DGKB: variants seen among roughly 807,000 people sequenced by gnomAD.
DGKB encodes diacylglycerol kinase beta.
DGKB carries 67 observed loss-of-function variants against 114.3 expected under a neutral mutation model. The ratio of observed to expected loss-of-function variants is 0.59; its 90% CI spans 0.48 to 0.72. DGKB has a LOEUF of 0.72. Among genes scored for constraint, DGKB ranks in the 30% least tolerant of loss-of-function variants. The pLI is 0.00. For missense variants in DGKB, 907 were observed against 975.2 expected (o/e 0.93, Z 0.93); for synonymous variants, 398 against 323.1 (o/e 1.23, Z -2.49).
At chr7:14,646,924 G>C (rs1231054733) in intron 13 of DGKB, among the ~76,000 whole-genome samples, 1 of 151,060 alleles carries the variant, frequency 6.6e-6, no homozygotes, top group East Asian at 1.9e-4. Context: ...AACTAGAAAA[G>C]CAAGAACAAA....
intron 14 of DGKB, among the ~76,000 whole-genome samples, chr7:14,622,849 A>C (rs1196457976): frequency 6.6e-6 from 1 of 152,152 alleles, no homozygotes; most frequent in East Asian, 1.9e-4. Flanking sequence ...ATCATTCTGC[A>C]GTCTGCTGGA....
At chr7:14,153,343 A>G (rs1264722161) in intron 25 of DGKB, among the ~76,000 whole-genome samples, 3 of 152,110 alleles carry the variant, frequency 2.0e-5, no homozygotes, top group African/African-American at 7.2e-5. Context: ...TTTAGAACAG[A>G]GGTGGATCTA....
chr7:14,580,874 G>A lies in DGKB; in HGVS notation c.1597C>T (p.Arg533Ter). 6 of 1,599,390 alleles carry A rather than the reference G, an allele frequency of 3.8e-6. No individual in the cohort carries two copies. Among genetic ancestry groups the A allele is most frequent in the South Asian group, 1.1e-5 (1 of 89,000 alleles). The change falls in exon 19 of 26, where the codon CGA becomes TGA. Residue 533 changes from arginine (R) to a stop codon, truncating the protein, a stop_gained. Coordinates refer to ENST00000402815, the MANE Select transcript of DGKB (RefSeq NM_001350709.2). LOFTEE classifies it high-confidence loss of function. ...GCAGCTGCTTTACCTCCTCCCCATC[G>A]CAGGCATCTTGCTAGATCATTGCCA... is the stretch of plus-strand genomic sequence containing the variant. Reference protein sequence around the residue: ...GTGNDLARCLRWGGGYEGENL... With the variant: ...GTGNDLARCL
At chr7:14,175,503 A>T (rs1036873231) in intron 25 of DGKB, among the ~76,000 whole-genome samples, 5 of 152,120 alleles carry the variant, frequency 3.3e-5, no homozygotes, top group African/African-American at 4.8e-5. Flanking sequence ...GCTTACATTC[A>T]TCCACTTTGA....
intron 21 of DGKB, among the ~76,000 whole-genome samples, chr7:14,438,887 T>G (rs924383281): frequency 1.4e-4 from 22 of 152,058 alleles, no homozygotes. Context: ...AAAAATGTAG[T>G]GACCTGAATA....
At chr7:14,420,821 G>C (rs888006127) in intron 21 of DGKB, among the ~76,000 whole-genome samples, 11 of 152,046 alleles carry the variant, frequency 7.2e-5, no homozygotes, top group Non-Finnish European at 1.6e-4. Context: ...CATGAAGCAG[G>C]AGAATAGGGT....
At chr7:14,407,338 C>T (rs541476551) in intron 21 of DGKB, among the ~76,000 whole-genome samples, 20 of 152,218 alleles carry the variant, frequency 1.3e-4, no homozygotes, top group African/African-American at 4.6e-4. Flanking sequence ...AAAATCCTAT[C>T]GGCTTCCAAT....
intron 21 of DGKB, among the ~76,000 whole-genome samples, chr7:14,466,764 G>A (rs1461513328): frequency 6.6e-6 from 1 of 152,152 alleles, no homozygotes; most frequent in Non-Finnish European, 1.5e-5. Context: ...GTTGCAGTGA[G>A]CTGAGATCGC....
intron 23 of DGKB, among the ~76,000 whole-genome samples, chr7:14,319,583 T>G (rs1353974421): frequency 6.6e-6 from 1 of 152,168 alleles, no homozygotes; most frequent in African/African-American, 2.4e-5. Context: ...TTCAATAATT[T>G]TTAAGAGTAT....
At chr7:14,366,734 T>C (rs10272557) in intron 21 of DGKB, among the ~76,000 whole-genome samples, 316 of 152,250 alleles carry the variant, frequency 2.1e-3, no homozygotes, top group African/African-American at 7.1e-3. Context: ...TAATTAGGCA[T>C]GTTTTTAAAG....
rs566135223 is a variant in DGKB, at chr7:14,163,046, T to C, written c.2304+13793A>G. Reference sequence around the variant, plus strand: ...CATGTTTTGTACTAATAGGTATTACTGAGCCTTTAAATTAATAGAGCTGTC... The same window carrying C: ...CATGTTTTGTACTAATAGGTATTACCGAGCCTTTAAATTAATAGAGCTGTC... On this transcript the variant is annotated intron_variant, in intron 25 of 25. Coordinates refer to ENST00000402815, the MANE Select transcript of DGKB (RefSeq NM_001350709.2). Among the ~76,000 whole-genome samples, 3 of 152,322 alleles carry C rather than the reference T, an allele frequency of 2.0e-5. 1 individual carries two copies. Among genetic ancestry groups the C allele is most frequent in the Admixed American group, 6.5e-5 (1 of 15,300 alleles).
At chr7:14,813,040 G>A (rs1171426245) in intron 2 of DGKB, among the ~76,000 whole-genome samples, 2 of 152,100 alleles carry the variant, frequency 1.3e-5, no homozygotes, top group African/African-American at 4.8e-5. Flanking sequence ...CTAAAAATAG[G>A]AGAGCAAAGC....
chr7:14,539,827 T>G (rs1309205894), intron 20 of DGKB, among the ~76,000 whole-genome samples: 1 of 152,144 alleles, frequency 6.6e-6, no homozygotes, highest in African/African-American at 2.4e-5. Context: ...ATTCATAGTA[T>G]GTGGACTGAC....
intron 1 of DGKB, among the ~76,000 whole-genome samples, chr7:14,970,682 A>G (rs1787412928): frequency 6.6e-6 from 1 of 152,116 alleles, no homozygotes; most frequent in Non-Finnish European, 1.5e-5. Flanking sequence ...CTTCCCCTAA[A>G]GTGAATGATT....
At chr7:14,534,267 C>T (rs1314929378) in intron 20 of DGKB, among the ~76,000 whole-genome samples, 3 of 151,842 alleles carry the variant, frequency 2.0e-5, no homozygotes, top group African/African-American at 7.3e-5. Context: ...TTAGTCCAGG[C>T]TTATGGTAAC....
chr7:14,961,076 A>AC (rs1786814946), intron 1 of DGKB, among the ~76,000 whole-genome samples: 1 of 152,022 alleles, frequency 6.6e-6, no homozygotes, highest in African/African-American at 2.4e-5. Context: ...AAAGCATACA[A>AC]ATCTATTTAA....
rs1442811168 is a variant in DGKB at position 14,673,027 on chromosome 7, G to A, written c.1036C>T (p.Leu346=). The A allele has an allele frequency of 1.3e-6, 2 of 1,555,652 alleles. No individual in the cohort carries two copies. Among genetic ancestry groups the A allele is most frequent in the African/African-American group, 1.4e-5 (1 of 73,554 alleles). The part of the protein sequence containing the change: ...GLHCVWCQIT[L]HNKCASHLKP... The stretch of plus-strand genomic sequence containing the variant: ...AGATGAGAAGCACATTTATTATGCA[G>A]CTAGAAAAACAGAAAGGGGGATAGT... Residue 346 remains leucine (L), a splice_region_variant and synonymous_variant, in exon 13 of 26, where the codon CTG becomes TTG. Transcript: ENST00000402815.
chr7:14,170,101 T>C (rs1780651980), intron 25 of DGKB, among the ~76,000 whole-genome samples: 1 of 131,700 alleles, frequency 7.6e-6, no homozygotes, highest in Non-Finnish European at 1.6e-5. Flanking sequence ...ACCATTGCAC[T>C]CCAGCCTGGG....
chr7:14,929,869 T>C (rs1231449846), intron 1 of DGKB, among the ~76,000 whole-genome samples: 1 of 152,204 alleles, frequency 6.6e-6, no homozygotes, highest in East Asian at 1.9e-4. Flanking sequence ...TACGTTTAAG[T>C]CTTTAATCCA....
Sources: gnomAD v4.1 joint callset for allele counts (sites outside exome capture counted in the v4.1 genomes callset) on GRCh38, gnomAD v4.1.1 for gene constraint, MANE v1.5 for transcripts, NCBI Gene and HGNC (gene_info 2026-07-23, HGNC 2026-07-21) for gene names.